Variants in HGSNAT observed in about 807,000 individuals in gnomAD.
HGSNAT encodes heparan-alpha-glucosaminide N-acetyltransferase.
HGSNAT carries 59 observed loss-of-function variants against 85.2 expected under a neutral mutation model. That is an observed-to-expected ratio of 0.69 (90% CI 0.56 to 0.86). The LOEUF is 0.86. Ranked by LOEUF, HGSNAT falls within the 40% of genes least tolerant of loss-of-function variation. HGSNAT has a pLI of 0.00. For missense variants in HGSNAT, 756 were observed against 777.1 expected, an observed-to-expected ratio of 0.97 and a Z score of 0.32; for synonymous variants, 321 against 304.5, an observed-to-expected ratio of 1.05 and a Z score of -0.56.
At chr8:43,187,709 C>T (rs1416212831) in intron 11 of HGSNAT, among the ~76,000 whole-genome samples, 3 of 152,162 alleles carry the variant, frequency 2.0e-5, no homozygotes, top group African/African-American at 7.2e-5. Context: ...TTATTTTGCA[C>T]TTTAGTTGAT....
At chr8:43,150,219 C>G (rs1802859185) in intron 2 of HGSNAT, among the ~76,000 whole-genome samples, 1 of 152,126 alleles carries the variant, frequency 6.6e-6, no homozygotes, top group African/African-American at 2.4e-5. Flanking sequence ...TCCCAGAGTG[C>G]TGGGATTACC....
At chr8:43,155,253 T>G (rs1450412308) in intron 2 of HGSNAT, among the ~76,000 whole-genome samples, 1 of 152,238 alleles carries the variant, frequency 6.6e-6, no homozygotes, top group Non-Finnish European at 1.5e-5. Context: ...ATTTTTTGTC[T>G]TTTTGATAGT....
intron 11 of HGSNAT, among the ~76,000 whole-genome samples, chr8:43,186,475 C>T (rs1012936235): frequency 6.6e-6 from 1 of 152,088 alleles, no homozygotes; most frequent in Non-Finnish European, 1.5e-5. Flanking sequence ...TCTGTGGAAT[C>T]GGTGGTGATA....
intron 5 of HGSNAT, among the ~76,000 whole-genome samples, chr8:43,161,976 G>A (rs556086819): frequency 9.8e-5 from 15 of 152,322 alleles, no homozygotes; most frequent in East Asian, 1.9e-4. Flanking sequence ...GACCTCGCAC[G>A]GACTCCCTGT....
rs1424105496 is a variant in HGSNAT, at chr8:43,180,110, C to CG, written c.1012+1876_1012+1877insG. ...GACGGGGCGGCTGGCCGACCCCCCC[C>CG]CCCACCGCCTCCCTCCCGGATGGGG... On this transcript the variant is annotated intron_variant, in intron 10 of 17. Transcript: ENST00000379644. Among the ~76,000 whole-genome samples, 67 of 129,446 alleles carry CG rather than the reference C, an allele frequency of 5.2e-4. 2 individuals are homozygous for CG. Among genetic ancestry groups the CG allele is most frequent in the African/African-American group, 2.1e-3 (61 of 29,536 alleles). The allele number at this position is 129,446 out of a possible 152,430, so 84.9% of individuals were successfully genotyped here. A position where few individuals can be genotyped will look rare whatever the true frequency, so the allele number is the denominator to read the frequency against.
chr8:43,177,927 T>C, intron 9 of HGSNAT, 147 bp from the exon 10 acceptor site: 1 of 696,698 alleles, frequency 1.4e-6, no homozygotes. Flanking sequence ...GAACTCTTCC[T>C]CTACTGTTAG....
In HGSNAT at chr8:43,170,590, G is replaced by C; in HGVS notation, c.639G>C (p.Leu213=). ...RETDRLINSE[L]GSPSRTDPLD... ...TTCTCCCTTTTTTTCTGAAGGAGCT[G>C]GGATCTCCCAGCAGGACAGACCCTC... The change falls in exon 7 of 18, where the codon CTG becomes CTC. Residue 213 remains leucine, a synonymous_variant. Coordinates refer to ENST00000379644, the MANE Select transcript of HGSNAT (RefSeq NM_152419.3). The C allele has an allele frequency of 6.2e-7, 1 of 1,605,410 alleles. No individual in the cohort carries two copies. The highest frequency in any genetic ancestry group is 8.5e-7 in the Non-Finnish European group (1 of 1,175,778).
intron 4 of HGSNAT, among the ~76,000 whole-genome samples, chr8:43,160,049 G>A (rs1803222956): frequency 6.6e-6 from 1 of 152,184 alleles, no homozygotes; most frequent in Non-Finnish European, 1.5e-5. Context: ...AATAATGAAT[G>A]TATAAAAACC....
chr8:43,200,255 C>T lies in HGSNAT; in HGVS notation c.*686C>T, dbSNP rs188131846. 3 of 152,392 alleles carry T rather than the reference C, an allele frequency of 2.0e-5. No individual in the cohort carries two copies. The East Asian group carries it at 5.8e-4, about 29-fold the overall frequency. 9.4% of individuals were successfully genotyped at this position (152,392 alleles called of 1,614,324 possible). A position where few individuals can be genotyped will look rare whatever the true frequency, so the allele number is the denominator to read the frequency against. ...GTCCATCATCTTCCTTCCTCCCTAT[C>T]TCTGTGTATCTGGATGGCAGCCGCT... On this transcript the variant is annotated 3_prime_UTR_variant, in exon 18 of 18. Coordinates refer to ENST00000379644, the MANE Select transcript of HGSNAT (RefSeq NM_152419.3).
chr8:43,197,129 T>A (rs1804752239), intron 15 of HGSNAT, 104 bp downstream of exon 15: 2 of 738,968 alleles, frequency 2.7e-6, no homozygotes, highest in Non-Finnish European at 2.4e-6. Flanking sequence ...TGTCACCACA[T>A]GGCAGCAGGT....
At chr8:43,181,953 G>T in intron 10 of HGSNAT, 192 bp from the exon 11 acceptor site, 1 of 603,568 alleles carries the variant, frequency 1.7e-6, no homozygotes, top group East Asian at 2.7e-5. Context: ...TATTAAGAGG[G>T]ATTGGCCTGT....
At chr8:43,193,933 A>G (rs1804625258) in intron 14 of HGSNAT, 90 bp downstream of exon 14, 3 of 1,562,014 alleles carry the variant, frequency 1.9e-6, no homozygotes, top group Non-Finnish European at 2.6e-6. Context: ...AATAATTGGA[A>G]GCATATTCTC....
At chr8:43,171,255 G>A (rs1803617347) in intron 7 of HGSNAT, among the ~76,000 whole-genome samples, 1 of 152,148 alleles carries the variant, frequency 6.6e-6, no homozygotes, top group South Asian at 2.1e-4. Context: ...ACATACTGAA[G>A]CCTTCTGAAC....
At chr8:43,176,265 T>A (rs1013218894) in intron 9 of HGSNAT, among the ~76,000 whole-genome samples, 1 of 152,232 alleles carries the variant, frequency 6.6e-6, no homozygotes, top group East Asian at 1.9e-4. Flanking sequence ...CTTCTGCATA[T>A]GAATATCCAG....
intron 2 of HGSNAT, among the ~76,000 whole-genome samples, chr8:43,152,723 C>T (rs1802957943): frequency 2.0e-5 from 3 of 152,016 alleles, no homozygotes; most frequent in Admixed American, 2.0e-4. Context: ...TCCCAAAGTG[C>T]TAGAATTACA....
Position 43,155,922 on chromosome 8 carries a change from C to G in HGSNAT, c.235-2653C>G, listed in dbSNP as rs189707679. 6.7e-3 allele frequency among the ~76,000 whole-genome samples: 1,019 copies of G among 151,994 alleles called. 32 individuals are homozygous for G. The highest frequency in any genetic ancestry group is 0.058 in the Admixed American group (888 of 15,254). On this transcript the variant is annotated intron_variant, in intron 2 of 17. Transcript: ENST00000379644. Reference sequence around the variant, plus strand: ...AATGGCACATCTCTGCTTACTGCAGCCTCTGTCTTCCGGGTTCAAGTGATT... The same window carrying G: ...AATGGCACATCTCTGCTTACTGCAGGCTCTGTCTTCCGGGTTCAAGTGATT...
intron 5 of HGSNAT, among the ~76,000 whole-genome samples, chr8:43,163,500 TCTTAA>T (rs759600301): frequency 6.6e-5 from 10 of 151,416 alleles, no homozygotes; most frequent in Non-Finnish European, 1.3e-4. Flanking sequence ...TTTTTAGAAA[TCTTAA>T]CTTCTCCTTT....
At position 43,197,965 on chromosome 8, in the gene HGSNAT, C is replaced by T. The variant is rs1301962527; in HGVS notation, c.1726+13C>T. On this transcript the variant is annotated intron_variant, in intron 17 of 17. Transcript: ENST00000379644. ...TTCTTTTATCCAGGTAAGTCACCTC[C>T]AACCTCAAACAGAGCTGGGATGGTG... 1 of 1,563,466 alleles carries T rather than the reference C, an allele frequency of 6.4e-7. No individual in the cohort carries two copies. Among genetic ancestry groups the T allele is most frequent in the Admixed American group, 1.7e-5 (1 of 58,612 alleles).
chr8:43,162,907 C>T (rs1330477039), intron 5 of HGSNAT, among the ~76,000 whole-genome samples: 5 of 151,944 alleles, frequency 3.3e-5, no homozygotes, highest in Admixed American at 1.3e-4. Context: ...GTAGCTAGGC[C>T]GGGTACGGTG....
Sources: gnomAD v4.1 joint callset for allele counts (sites outside exome capture counted in the v4.1 genomes callset) on GRCh38, gnomAD v4.1.1 for gene constraint, MANE v1.5 for transcripts, NCBI Gene and HGNC (gene_info 2026-07-23, HGNC 2026-07-21) for gene names.